The following PTPRD variants were observed in gnomAD, a reference collection of about 807,000 sequenced individuals.
The protein encoded by PTPRD is receptor-type tyrosine-protein phosphatase delta.
Under a neutral mutation model 214.5 loss-of-function variants are expected in PTPRD, and 34 were observed. The ratio of observed to expected loss-of-function variants is 0.16; its 90% confidence interval spans 0.12 to 0.21. PTPRD has a LOEUF of 0.21. Ranked by LOEUF, PTPRD falls within the 10% of genes least tolerant of loss-of-function variation. PTPRD has a pLI of 1.00. For missense variants in PTPRD, 2,545 were observed against 2,398.7 expected, an observed-to-expected ratio of 1.06 and a Z score of -1.27; for synonymous variants, 1,128 against 845.7, an observed-to-expected ratio of 1.33 and a Z score of -5.79.
rs2099478452 is a variant in PTPRD at position 10,206,325 on chromosome 9, C to G, written c.-545+134638G>C. On this transcript the variant is annotated intron_variant, in intron 3 of 45. Transcript: ENST00000381196. The stretch of plus-strand genomic sequence containing the variant: ...TAAAGGGTTAGTGCCATATCTCATA[C>G]CAAAGAATCTCTGCTTTCTTTTCCG... Among the ~76,000 whole-genome samples, 6 of 152,104 alleles carry G rather than the reference C, an allele frequency of 3.9e-5. No individual in the cohort carries two copies. The South Asian group carries it at 1.2e-3, about 32-fold the overall frequency.
At chr9:9,134,494 T>G (rs1168105565) in intron 10 of PTPRD, among the ~76,000 whole-genome samples, 1 of 152,220 alleles carries the variant, frequency 6.6e-6, no homozygotes, top group Non-Finnish European at 1.5e-5. Context: ...AGCAGTAGCC[T>G]CCAAACAGGT....
intron 11 of PTPRD, among the ~76,000 whole-genome samples, chr9:8,798,717 T>C (rs2096500856): frequency 6.6e-6 from 1 of 152,190 alleles, no homozygotes; most frequent in Non-Finnish European, 1.5e-5. Context: ...TGTGCCTTCT[T>C]GAAATTTACA....
chr9:10,577,663 C>A (rs1368667913), intron 2 of PTPRD, among the ~76,000 whole-genome samples: 2 of 152,116 alleles, frequency 1.3e-5, no homozygotes, highest in Non-Finnish European at 2.9e-5. Context: ...AGGAAACTAA[C>A]ACACTGATAA....
intron 10 of PTPRD, among the ~76,000 whole-genome samples, chr9:9,155,592 C>G (rs2099880502): frequency 6.6e-6 from 1 of 152,026 alleles, no homozygotes. Context: ...AATTTCTAGC[C>G]CAGATGCTCT....
At chr9:8,617,565 A>G (rs2095654829) in intron 14 of PTPRD, among the ~76,000 whole-genome samples, 3 of 152,128 alleles carry the variant, frequency 2.0e-5, no homozygotes. Context: ...CCTTCTCTGT[A>G]GCACCTCTTG....
At chr9:9,721,279 C>A (rs1337755841) in intron 7 of PTPRD, among the ~76,000 whole-genome samples, 1 of 151,900 alleles carries the variant, frequency 6.6e-6, no homozygotes, top group African/African-American at 2.4e-5. Flanking sequence ...ATGTTCATTC[C>A]CACCAAATAT....
chr9:10,321,124 G>A (rs183230207), intron 3 of PTPRD, among the ~76,000 whole-genome samples: 15 of 151,936 alleles, frequency 9.9e-5, no homozygotes, highest in Non-Finnish European at 1.9e-4. Context: ...TTAGTAATGC[G>A]ACATACTTTA....
chr9:10,208,885 G>C (rs1282472214), intron 3 of PTPRD, among the ~76,000 whole-genome samples: 3 of 152,164 alleles, frequency 2.0e-5, no homozygotes. Context: ...GAAGAATTTA[G>C]ACAGCTTTTA....
At chr9:9,297,532 A>C (rs1953542802) in intron 9 of PTPRD, among the ~76,000 whole-genome samples, 1 of 151,708 alleles carries the variant, frequency 6.6e-6, no homozygotes, top group South Asian at 2.1e-4. Flanking sequence ...TCTTCCAAAA[A>C]GACATATAGA....
chr9:10,092,962 T>C (rs450009), intron 3 of PTPRD, among the ~76,000 whole-genome samples: 3 of 151,352 alleles, frequency 2.0e-5, no homozygotes, highest in East Asian at 3.9e-4. Flanking sequence ...CAAGATAGAC[T>C]GAAGATTTAG....
In PTPRD at chr9:9,816,395, G is replaced by A. The variant is rs73398631; in HGVS notation, c.-367-49544C>T. 1.6e-3 allele frequency among the ~76,000 whole-genome samples: 242 copies of A among 152,062 alleles called. 1 individual carries two copies. Among genetic ancestry groups the A allele is most frequent in the African/African-American group, 5.7e-3 (236 of 41,504 alleles). On this transcript the variant is annotated intron_variant, in intron 5 of 45. Transcript: ENST00000381196. ...AACCACATTATCGATTTAATAAATA[G>A]CCTTATGTTCCACACAAATAAGCTA...
Position 9,426,805 on chromosome 9 carries a change from T to C in PTPRD, c.-236-29323A>G, listed in dbSNP as rs573439199. ...ATACCCAGGCAAACAGGGACTGGAG[T>C]GGACCTCCAGCAAACTCTAACAGAC... On this transcript the variant is annotated intron_variant, in intron 8 of 45. Transcript: ENST00000381196. Among the ~76,000 whole-genome samples, 5 of 152,188 alleles carry C rather than the reference T, an allele frequency of 3.3e-5. No individual in the cohort carries two copies. In the East Asian group the frequency reaches 9.7e-4, roughly 29 times the overall value.
At chr9:9,657,333 T>A (rs1052303266) in intron 7 of PTPRD, among the ~76,000 whole-genome samples, 19 of 152,040 alleles carry the variant, frequency 1.2e-4, no homozygotes, top group South Asian at 4.1e-4. Flanking sequence ...ACCACCATTC[T>A]CAGCAAAGTT....
chr9:9,719,470 A>G (rs1293949464), intron 7 of PTPRD, among the ~76,000 whole-genome samples: 1 of 152,148 alleles, frequency 6.6e-6, no homozygotes, highest in Non-Finnish European at 1.5e-5. Flanking sequence ...TGGATTCCCC[A>G]AGCCAGAGCT....
chr9:8,708,106 C>T (rs1044237612), intron 12 of PTPRD, among the ~76,000 whole-genome samples: 6 of 152,142 alleles, frequency 3.9e-5, no homozygotes, highest in Admixed American at 6.5e-5. Flanking sequence ...AATCTCAATC[C>T]AACAAAAATG....
chr9:10,137,862 A>T (rs77548414), intron 3 of PTPRD, among the ~76,000 whole-genome samples: 4 of 152,094 alleles, frequency 2.6e-5, no homozygotes, highest in African/African-American at 9.7e-5. Flanking sequence ...GAAACACAAC[A>T]TATCAAAATC....
chr9:9,796,437 G>C (rs1251290991), intron 5 of PTPRD, among the ~76,000 whole-genome samples: 1 of 152,092 alleles, frequency 6.6e-6, no homozygotes, highest in African/African-American at 2.4e-5. Context: ...TTGAAATGAT[G>C]GCTCTGATGT....
chr9:9,622,280 T>A (rs2154353581), intron 7 of PTPRD, among the ~76,000 whole-genome samples: 1 of 152,290 alleles, frequency 6.6e-6, no homozygotes, highest in Middle Eastern at 3.4e-3. Flanking sequence ...TTTCTGCTTT[T>A]CCTATTTTCT....
intron 9 of PTPRD, among the ~76,000 whole-genome samples, chr9:9,245,872 T>C (rs1594460875): frequency 6.6e-6 from 1 of 152,088 alleles, no homozygotes. Flanking sequence ...CATATATAGA[T>C]ATTATAGGTG....
Sources: gnomAD v4.1 joint callset for allele counts (sites outside exome capture counted in the v4.1 genomes callset) on GRCh38, gnomAD v4.1.1 for gene constraint, MANE v1.5 for transcripts, NCBI Gene and HGNC (gene_info 2026-07-23, HGNC 2026-07-21) for gene names.